The following RABGEF1 variants were observed in gnomAD, a reference collection of about 807,000 sequenced individuals.
The protein encoded by RABGEF1 is RAB guanine nucleotide exchange factor 1, also known as rab5 GDP/GTP exchange factor.
A neutral mutation model predicts 57.3 loss-of-function variants in RABGEF1; 26 were observed. That is an observed-to-expected ratio of 0.45 (90% CI 0.33 to 0.63). The LOEUF (loss-of-function observed/expected upper bound fraction) is 0.63, where lower values mean the gene tolerates loss of function less well. Among genes scored for constraint, RABGEF1 ranks in the 20% least tolerant of loss-of-function variants. RABGEF1 has a pLI of 0.02. For synonymous variants in RABGEF1, 185 were observed against 210.7 expected, an observed-to-expected ratio of 0.88 and a Z score of 1.06; for missense variants, 464 against 607.6, an observed-to-expected ratio of 0.76 and a Z score of 2.48.
At chr7:66,712,554 T>C (rs765194892) in intron 2 of RABGEF1, among the ~76,000 whole-genome samples, 3 of 152,176 alleles carry the variant, frequency 2.0e-5, no homozygotes, top group Non-Finnish European at 4.4e-5. Context: ...CACTGCAGCC[T>C]CGACCTCCCG....
intron 1 of RABGEF1, among the ~76,000 whole-genome samples, chr7:66,763,594 CA>C (rs1583862646): frequency 6.6e-6 from 1 of 152,212 alleles, no homozygotes; most frequent in East Asian, 1.9e-4. Context: ...GCCATTACCA[CA>C]GCCAACTTTA....
intron 2 of RABGEF1, among the ~76,000 whole-genome samples, chr7:66,714,976 G>A (rs750978828): frequency 1.3e-5 from 2 of 152,042 alleles, no homozygotes; most frequent in African/African-American, 2.4e-5. Flanking sequence ...TTAGGTTATC[G>A]ATTAGAAAAC....
chr7:66,684,133 G>A (rs1041191696), intron 1 of RABGEF1, among the ~76,000 whole-genome samples: 13 of 152,116 alleles, frequency 8.5e-5, no homozygotes, highest in African/African-American at 3.1e-4. Flanking sequence ...GTTTTTAGCT[G>A]GGTCCTTATG....
intron 1 of RABGEF1, among the ~76,000 whole-genome samples, chr7:66,689,074 C>CA (rs1791138207): frequency 1.3e-5 from 2 of 152,120 alleles, no homozygotes; most frequent in South Asian, 4.2e-4. Flanking sequence ...GCCTGGGTGA[C>CA]AGAGTGAGAC....
At chr7:66,662,926 A>G in the RABGEF1 span, among the ~76,000 whole-genome samples, 2 of 142,808 alleles carry the variant, frequency 1.4e-5, no homozygotes, top group South Asian at 2.3e-4. Flanking sequence ...GTTTGCAGGC[A>G]TGCATGTGCA....
chr7:66,668,004 G>A, the RABGEF1 span, among the ~76,000 whole-genome samples: 2 of 152,094 alleles, frequency 1.3e-5, no homozygotes, highest in African/African-American at 4.8e-5. Flanking sequence ...CACCATGTTG[G>A]GAAGGCTGGT....
intron 1 of RABGEF1, among the ~76,000 whole-genome samples, chr7:66,746,253 T>A (rs1480598245): frequency 6.6e-6 from 1 of 152,198 alleles, no homozygotes; most frequent in East Asian, 1.9e-4. Flanking sequence ...AATTCCTGTT[T>A]TCAATGAAGT....
chr7:66,686,029 A>C lies in RABGEF1; in HGVS notation c.-873+3771A>C, dbSNP rs535920053. ...TGCGGTGGCTCACGCCTGTAATCCCAACACTTTGGGAAGCTGAGGTGGGCA... is the reference window on the plus strand; with the variant it reads ...TGCGGTGGCTCACGCCTGTAATCCCCACACTTTGGGAAGCTGAGGTGGGCA... On this transcript the variant is annotated intron_variant and NMD_transcript_variant, in intron 1 of 9. Coordinates refer to the RABGEF1 transcript ENST00000607882. Among the ~76,000 whole-genome samples, 26 of 152,290 alleles carry C rather than the reference A, an allele frequency of 1.7e-4. No individual in the cohort carries two copies. In the South Asian group the frequency reaches 5.2e-3, roughly 30 times the overall value.
At chr7:66,704,517 GT>G (rs1424304629) in intron 1 of RABGEF1, among the ~76,000 whole-genome samples, 2 of 151,726 alleles carry the variant, frequency 1.3e-5, no homozygotes, top group East Asian at 3.9e-4. Flanking sequence ...CAATTAAAAT[GT>G]TTAAATAGTC....
chr7:66,755,335 G>T (rs1252358316), intron 1 of RABGEF1, among the ~76,000 whole-genome samples: 1 of 151,938 alleles, frequency 6.6e-6, no homozygotes, highest in Non-Finnish European at 1.5e-5. Flanking sequence ...TTTAGCCAGG[G>T]ATGGTGATGC....
intron 1 of RABGEF1, among the ~76,000 whole-genome samples, chr7:66,758,195 A>G (rs1451259907): frequency 1.3e-5 from 2 of 152,162 alleles, no homozygotes; most frequent in East Asian, 3.9e-4. Flanking sequence ...AACTACTCAC[A>G]TCTGCAAAGT....
At chr7:66,672,430 TCAAA>T in the RABGEF1 span, among the ~76,000 whole-genome samples, 13 of 152,112 alleles carry the variant, frequency 8.5e-5, no homozygotes, top group Non-Finnish European at 1.6e-4. Context: ...AGACTCCATC[TCAAA>T]CAAACAAACA....
chr7:66,725,440 G>A (rs1796486156), intron 2 of RABGEF1, among the ~76,000 whole-genome samples: 1 of 152,122 alleles, frequency 6.6e-6, no homozygotes, highest in African/African-American at 2.4e-5. Flanking sequence ...TCATATAACT[G>A]GAATAATGCA....
At chr7:66,778,870 C>T (rs1809185925) in intron 3 of RABGEF1, among the ~76,000 whole-genome samples, 1 of 152,176 alleles carries the variant, frequency 6.6e-6, no homozygotes, top group African/African-American at 2.4e-5. Flanking sequence ...AATCCCAGCA[C>T]TTTGGGAGAC....
chr7:66,674,792 CGTAG>C, the RABGEF1 span, among the ~76,000 whole-genome samples: 1 of 151,282 alleles, frequency 6.6e-6, no homozygotes, highest in Non-Finnish European at 1.5e-5. Flanking sequence ...TGGTTGCTTC[CGTAG>C]GGATTAACTG....
At chr7:66,669,858 C>G in the RABGEF1 span, 1 of 152,096 alleles carries the variant, frequency 6.6e-6, no homozygotes, top group Non-Finnish European at 1.5e-5. Context: ...ACCACCCACA[C>G]CCGGGCCACC....
chr7:66,686,895 C>T (rs1030733630), intron 1 of RABGEF1, among the ~76,000 whole-genome samples: 47 of 151,600 alleles, frequency 3.1e-4, no homozygotes, highest in Admixed American at 2.7e-3. Context: ...GATCTCGGCT[C>T]ACTGCAAGCT....
intron 3 of RABGEF1, among the ~76,000 whole-genome samples, chr7:66,778,757 T>TC (rs1809158651): frequency 6.6e-6 from 1 of 152,098 alleles, no homozygotes; most frequent in Non-Finnish European, 1.5e-5. Flanking sequence ...TTTCAGAAGA[T>TC]CCAGAAGCCA....
At chr7:66,663,777 A>G in the RABGEF1 span, among the ~76,000 whole-genome samples, 6 of 151,874 alleles carry the variant, frequency 4.0e-5, no homozygotes, top group African/African-American at 1.2e-4. Flanking sequence ...AAAAATAAAT[A>G]AAACTAGTGT....
Sources: allele counts gnomAD v4.1 joint callset (sites outside exome capture counted in the v4.1 genomes callset), GRCh38; gene constraint gnomAD v4.1.1; transcripts MANE v1.5; gene names NCBI Gene and HGNC (gene_info 2026-07-23, HGNC 2026-07-21).